Variants in PEAK3 observed in about 807,000 individuals in gnomAD.
PEAK3 encodes the protein protein PEAK3.
A neutral mutation model predicts 13.3 loss-of-function variants in PEAK3; 15 were observed. That is an observed-to-expected ratio of 1.13 (90% CI 0.75 to 1.73). PEAK3 has a LOEUF of 1.73. PEAK3 is among the 40% of genes most tolerant of loss of function. The pLI is 0.00. For missense variants in PEAK3, 739 were observed against 690.2 expected, an observed-to-expected ratio of 1.07 and a Z score of -0.79; for synonymous variants, 347 against 341.9, an observed-to-expected ratio of 1.01 and a Z score of -0.17.
chr19:2,280,617 T>C (rs1225979281), intron 2 of PEAK3, among the ~76,000 whole-genome samples: 1 of 152,154 alleles, frequency 6.6e-6, no homozygotes, highest in African/African-American at 2.4e-5. Context: ...CCCAAGGTGC[T>C]GGGATTACAG....
chr19:2,281,644 T>A (rs372042237), intron 1 of PEAK3, among the ~76,000 whole-genome samples: 1,765 of 121,982 alleles, frequency 0.014, 8 homozygotes, highest in East Asian at 0.068. Context: ...CCCGAGTGGG[T>A]TTCCTGCCCT....
rs59627639 is a variant in PEAK3 at position 2,274,981 on chromosome 19, T to TGGCAGA, written c.*693_*698dup. ...AAAAGAAAGTGGAACTGGAACAGTA[T>TGGCAGA]GGCAGAGGGAACAGCCTACACAAAT... On this transcript the variant is annotated 3_prime_UTR_variant, in exon 4 of 4. Coordinates refer to ENST00000342063, the MANE Select transcript of PEAK3 (RefSeq NM_198532.3). 0.47 allele frequency: 67,554 copies of TGGCAGA among 144,922 alleles called. 17,963 individuals are homozygous for TGGCAGA. Among genetic ancestry groups the TGGCAGA allele is most frequent in the Middle Eastern group, 0.73 (205 of 280 alleles). The allele number at this position is 144,922 out of a possible 1,614,324, so 9.0% of individuals were successfully genotyped here.
intron 3 of PEAK3, among the ~76,000 whole-genome samples, chr19:2,276,791 G>T (rs984903533): frequency 4.6e-5 from 7 of 152,288 alleles, no homozygotes; most frequent in Admixed American, 2.0e-4. Context: ...GAGGCAGGGG[G>T]ATCGCTGAGG....
intron 2 of PEAK3, among the ~76,000 whole-genome samples, 163 bp from the exon 3 acceptor site, chr19:2,279,276 C>T (rs1469247121): frequency 2.6e-5 from 4 of 150,980 alleles, no homozygotes; most frequent in African/African-American, 7.3e-5. Context: ...AGGTGGAAGC[C>T]GAGGCAGGAG....
chr19:2,279,340 T>C (rs2145073745), intron 2 of PEAK3, among the ~76,000 whole-genome samples: 1 of 152,192 alleles, frequency 6.6e-6, no homozygotes, highest in East Asian at 1.9e-4. Context: ...TGAGACCCTG[T>C]CTCTGCAAAA....
rs765108147 is a variant in PEAK3 at position 2,278,771 on chromosome 19, T to A, written c.425A>T (p.Gln142Leu). The change falls in exon 3 of 4, where the codon CAG (glutamine) becomes CTG (leucine). Residue 142 changes from glutamine (Q) to leucine (L), a missense_variant. Coordinates refer to ENST00000342063, the MANE Select transcript of PEAK3 (RefSeq NM_198532.3). ...ATAGATGGTACGGAGGCCCTGCAGC[T>A]GCCGCGCAGCCAGTGCAGTGTGCAC... ...EAVHTALAARQLQGLRTIYAR... is the reference protein window; with the variant it reads ...EAVHTALAARLLQGLRTIYAR... 5 of 1,561,014 alleles carry A rather than the reference T, an allele frequency of 3.2e-6. No homozygotes were observed. Among genetic ancestry groups the A allele is most frequent in the Non-Finnish European group, 4.3e-6 (5 of 1,150,302 alleles).
rs1369737645 is a variant in PEAK3, at chr19:2,276,088, G to C, written c.1014C>G (p.Pro338=). The C allele has an allele frequency of 6.7e-7, 1 of 1,494,748 alleles. No homozygotes were observed. The highest frequency in any genetic ancestry group is 1.4e-5 in the African/African-American group (1 of 70,770). 92.6% of individuals were successfully genotyped at this position (1,494,748 alleles called of 1,614,324 possible). The change falls in exon 4 of 4, where the codon CCC becomes CCG. Residue 338 remains proline (P), a synonymous_variant. Transcript: ENST00000342063. Reference sequence around the variant, plus strand: ...GGCCCGGGGATCCCGGGGGTCCAGGGGGCTGCAGACAGACGCGGCCAAAGT... The same window carrying C: ...GGCCCGGGGATCCCGGGGGTCCAGGCGGCTGCAGACAGACGCGGCCAAAGT... ...LTDFGRVCLQ[P]PGPPGSPGPH...
At chr19:2,278,182 T>G (rs566809442) in intron 3 of PEAK3, among the ~76,000 whole-genome samples, 1,743 of 141,398 alleles carry the variant, frequency 0.012, 15 homozygotes, top group South Asian at 0.024. Context: ...TTTTTTTTTT[T>G]GAGACGGAGT....
At chr19:2,281,220 A>G (rs1416982190) in intron 1 of PEAK3, among the ~76,000 whole-genome samples, 144 of 59,522 alleles carry the variant, frequency 2.4e-3, no homozygotes, top group African/African-American at 3.0e-3. Context: ...TGGGTTTCCT[A>G]CTCTCTCTGG....
At chr19:2,277,971 C>G (rs1265262077) in intron 3 of PEAK3, among the ~76,000 whole-genome samples, 1 of 150,512 alleles carries the variant, frequency 6.6e-6, no homozygotes, top group African/African-American at 2.5e-5. Context: ...TCATGCCATT[C>G]TCCTGCTTCA....
intron 3 of PEAK3, 39 bp downstream of exon 3, chr19:2,278,545 C>T (rs925989326): frequency 1.4e-6 from 2 of 1,426,530 alleles, no homozygotes; most frequent in Non-Finnish European, 1.8e-6. Context: ...AGATGGGGCA[C>T]TGGGGACACC....
rs895990763 is a variant in PEAK3, at chr19:2,282,169, G to A, written c.-87C>T. The A allele has an allele frequency of 6.6e-6, 1 of 152,402 alleles. No individual in the cohort carries two copies. Among genetic ancestry groups the A allele is most frequent in the African/African-American group, 2.4e-5 (1 of 41,458 alleles). 9.4% of individuals were successfully genotyped at this position (152,402 alleles called of 1,614,324 possible). A position where few individuals can be genotyped will look rare whatever the true frequency, so the allele number is the denominator to read the frequency against. On this transcript the variant is annotated 5_prime_UTR_variant, in exon 1 of 4. Coordinates refer to ENST00000342063, the MANE Select transcript of PEAK3 (RefSeq NM_198532.3). ...GGCCACAGCCCCTGGCCTCGCAGGAGGGGTCTGACCTGGCGCCGGCAGCTG... is the reference window on the plus strand; with the variant it reads ...GGCCACAGCCCCTGGCCTCGCAGGAAGGGTCTGACCTGGCGCCGGCAGCTG...
chr19:2,279,036 G>A lies in PEAK3; in HGVS notation c.160C>T (p.Pro54Ser). 6.6e-7 allele frequency: 1 copy of A among 1,519,476 alleles called. No individual in the cohort carries two copies. Among genetic ancestry groups the A allele is most frequent in the Non-Finnish European group, 8.9e-7 (1 of 1,128,152 alleles). 94.1% of individuals were successfully genotyped at this position (1,519,476 alleles called of 1,614,324 possible). The stretch of plus-strand genomic sequence containing the variant: ...TTCTTGGGCAGGGGTGGGGGCAGGG[G>A]CTCTGGGTTGGTGGAGAGGGACCCA... ...TPGSLSTNPEPLPPPLPKKIL... is the reference protein window; with the variant it reads ...TPGSLSTNPESLPPPLPKKIL... The change falls in exon 3 of 4, where the codon CCC becomes TCC. Residue 54 changes from proline (P) to serine (S), a missense_variant. By Grantham distance (74) the Pro-to-Ser change is moderately conservative. Transcript: ENST00000342063.
chr19:2,278,760 G>T lies in PEAK3; in HGVS notation c.436C>A (p.Leu146Ile). ...TALAARQLQG[L>I]RTIYARLRAR... Reference sequence around the variant, plus strand: ...CGGAGCCGGGCATAGATGGTACGGAGGCCCTGCAGCTGCCGCGCAGCCAGT... The same window carrying T: ...CGGAGCCGGGCATAGATGGTACGGATGCCCTGCAGCTGCCGCGCAGCCAGT... Residue 146 changes from leucine to isoleucine, a missense_variant, in exon 3 of 4, where the codon CTC becomes ATC. Transcript: ENST00000342063. 1 of 1,557,116 alleles carries T rather than the reference G, an allele frequency of 6.4e-7. No homozygotes were observed. The highest frequency in any genetic ancestry group is 8.7e-7 in the Non-Finnish European group (1 of 1,148,524).
rs775231646 is a variant in PEAK3, at chr19:2,275,665, C to T, written c.*15G>A. 58 of 1,435,020 alleles carry T rather than the reference C, an allele frequency of 4.0e-5. No homozygotes were observed. The highest frequency in any genetic ancestry group is 5.2e-5 in the Non-Finnish European group (57 of 1,089,978). The allele number at this position is 1,435,020 out of a possible 1,614,324, so 88.9% of individuals were successfully genotyped here. On this transcript the variant is annotated 3_prime_UTR_variant, in exon 4 of 4. Coordinates refer to ENST00000342063, the MANE Select transcript of PEAK3 (RefSeq NM_198532.3). ...TGGGCAGGCCTGGACCAGGTGTGTT[C>T]GCCCTGGGTTGGGGTCAGTCCCACA... is the stretch of plus-strand genomic sequence containing the variant.
At chr19:2,276,989 G>A (rs1216115202) in intron 3 of PEAK3, among the ~76,000 whole-genome samples, 1 of 152,122 alleles carries the variant, frequency 6.6e-6, no homozygotes, top group Non-Finnish European at 1.5e-5. Context: ...TCCAGCCTGG[G>A]CAACAGAGTG....
intron 1 of PEAK3, 70 bp from the exon 2 acceptor site, chr19:2,281,005 C>T: frequency 9.6e-7 from 1 of 1,037,444 alleles, no homozygotes; most frequent in Non-Finnish European, 1.4e-6. Context: ...GGGGAGGGGT[C>T]CGTGAGTGCT....
At position 2,275,209 on chromosome 19, in the gene PEAK3, A is replaced by G. The variant is rs1229036174; in HGVS notation, c.*471T>C. The stretch of plus-strand genomic sequence containing the variant: ...TGACACCACCAAGCAATTCTCCACC[A>G]GGGACAGGGGCATTCACATGCCCAA... On this transcript the variant is annotated 3_prime_UTR_variant, in exon 4 of 4. Transcript: ENST00000342063. 2 of 152,810 alleles carry G rather than the reference A, an allele frequency of 1.3e-5. No homozygotes were observed. Among genetic ancestry groups the G allele is most frequent in the Non-Finnish European group, 2.9e-5 (2 of 68,424 alleles). The allele number at this position is 152,810 out of a possible 1,614,324, so 9.5% of individuals were successfully genotyped here. A position where few individuals can be genotyped will look rare whatever the true frequency, so the allele number is the denominator to read the frequency against.
At position 2,275,840 on chromosome 19, in the gene PEAK3, C is replaced by T. The variant is rs1486955446; in HGVS notation, c.1262G>A (p.Gly421Glu). ...CCCGCGGCGCACCCGCAGCCAGGGC[C>T]CGAGCGCTCGGAGCCAGGGACCAAG... ...APLGPWLRAL[G>E]PWLRVRRGLL... Residue 421 changes from glycine to glutamate, a missense_variant, in exon 4 of 4, where the codon GGG becomes GAG. By Grantham distance (98) the Gly-to-Glu change is moderately conservative. Coordinates refer to ENST00000342063, the MANE Select transcript of PEAK3 (RefSeq NM_198532.3). 1 of 1,500,126 alleles carries T rather than the reference C, an allele frequency of 6.7e-7. No homozygotes were observed. Among genetic ancestry groups the T allele is most frequent in the Non-Finnish European group, 8.8e-7 (1 of 1,130,494 alleles). The allele number at this position is 1,500,126 out of a possible 1,614,324, so 92.9% of individuals were successfully genotyped here. A position where few individuals can be genotyped will look rare whatever the true frequency, so the allele number is the denominator to read the frequency against.
Sources: allele counts gnomAD v4.1 joint callset (sites outside exome capture counted in the v4.1 genomes callset), GRCh38; gene constraint gnomAD v4.1.1; transcripts MANE v1.5; gene names NCBI Gene and HGNC (gene_info 2026-07-23, HGNC 2026-07-21).